Variants in RSRC1 observed in about 807,000 individuals in gnomAD.
RSRC1 encodes arginine and serine rich coiled-coil 1.
In RSRC1, 39 loss-of-function variants were observed where a neutral mutation model predicts 49.1. That is an observed-to-expected ratio of 0.79 (90% CI 0.61 to 1.04). RSRC1 has a LOEUF of 1.04. Among genes scored for constraint, RSRC1 ranks in the 50% least tolerant of loss-of-function variants. The probability of loss-of-function intolerance (pLI) is 0.00; values close to 1 mark genes in which losing one functional copy is unlikely to be tolerated. For missense variants in RSRC1, 388 were observed against 402.4 expected (o/e 0.96, Z 0.31); for synonymous variants, 143 against 130.8 (o/e 1.09, Z -0.63).
In RSRC1 at chr3:158,198,739, C is replaced by T. The variant is rs149187198; in HGVS notation, c.321-4333C>T. ...CCTCAGTTGGAAATGCAGAAATCACCCATCTTCTGCGTCACTCATGCTGGG... is the reference window on the plus strand; with the variant it reads ...CCTCAGTTGGAAATGCAGAAATCACTCATCTTCTGCGTCACTCATGCTGGG... On this transcript the variant is annotated intron_variant, in intron 3 of 9. Transcript: ENST00000611884. Among the ~76,000 whole-genome samples the T allele has an allele frequency of 3.4e-3, 517 of 152,206 alleles. 2 individuals carry two copies. The highest frequency in any genetic ancestry group is 5.6e-3 in the Non-Finnish European group (381 of 68,004).
At chr3:158,284,023 T>C (rs958936484) in intron 4 of RSRC1, among the ~76,000 whole-genome samples, 7 of 151,782 alleles carry the variant, frequency 4.6e-5, no homozygotes, top group Non-Finnish European at 8.8e-5. Flanking sequence ...GTATATCTCC[T>C]AATGCTATCC....
chr3:158,424,247 C>T (rs1326629075), intron 6 of RSRC1, among the ~76,000 whole-genome samples: 7 of 151,720 alleles, frequency 4.6e-5, no homozygotes, highest in East Asian at 1.9e-4. Context: ...TTTTGAGATA[C>T]GTCCCATCAA....
At chr3:158,180,535 C>T (rs1186222056) in intron 3 of RSRC1, among the ~76,000 whole-genome samples, 1 of 149,682 alleles carries the variant, frequency 6.7e-6, no homozygotes, top group Non-Finnish European at 1.5e-5. Flanking sequence ...AATCATGGCT[C>T]ACTGTAGCCT....
At chr3:158,424,104 A>G (rs947956068) in intron 6 of RSRC1, among the ~76,000 whole-genome samples, 8 of 152,020 alleles carry the variant, frequency 5.3e-5, no homozygotes, top group African/African-American at 1.9e-4. Context: ...AACTTCCAAC[A>G]CTATGTTGAA....
chr3:158,211,740 A>G (rs1004682774), intron 4 of RSRC1, among the ~76,000 whole-genome samples: 1 of 151,950 alleles, frequency 6.6e-6, no homozygotes, highest in Admixed American at 6.6e-5. Context: ...GATGGAGATA[A>G]TGGTAATAGA....
At chr3:158,284,253 T>G (rs1166139148) in intron 4 of RSRC1, among the ~76,000 whole-genome samples, 1 of 151,936 alleles carries the variant, frequency 6.6e-6, no homozygotes, top group African/African-American at 2.4e-5. Flanking sequence ...TAGTATTCCA[T>G]GGTGTATATG....
At chr3:158,320,404 A>G (rs1728694879) in intron 5 of RSRC1, among the ~76,000 whole-genome samples, 1 of 152,186 alleles carries the variant, frequency 6.6e-6, no homozygotes, top group Admixed American at 6.5e-5. Context: ...TGTGTTTGTT[A>G]TATGTAATTT....
intron 1 of RSRC1, among the ~76,000 whole-genome samples, chr3:158,116,563 T>G (rs1714835694): frequency 6.6e-6 from 1 of 152,066 alleles, no homozygotes; most frequent in African/African-American, 2.4e-5. Context: ...TGTATGGCAG[T>G]GAGGGATACA....
intron 5 of RSRC1, among the ~76,000 whole-genome samples, chr3:158,341,814 C>T (rs538873176): frequency 9.2e-5 from 14 of 152,206 alleles, no homozygotes; most frequent in East Asian, 3.9e-4. Context: ...TGAAAGCAGC[C>T]GGGAGGGAGG....
intron 6 of RSRC1, among the ~76,000 whole-genome samples, chr3:158,438,033 CAGAG>C (rs1408885849): frequency 1.3e-5 from 2 of 152,224 alleles, no homozygotes; most frequent in East Asian, 1.9e-4. Context: ...AACAGACAAA[CAGAG>C]AGCCAAATCA....
At chr3:158,379,836 A>ACACACACACACACCCT (rs1027981758) in intron 6 of RSRC1, among the ~76,000 whole-genome samples, 3 of 143,862 alleles carry the variant, frequency 2.1e-5, no homozygotes, top group Non-Finnish European at 4.6e-5. Context: ...ACACACACAC[A>ACACACACACACACCCT]CCCTCCCTCC....
At chr3:158,276,437 G>T in intron 4 of RSRC1, 1 of 705,700 alleles carries the variant, frequency 1.4e-6, no homozygotes, top group South Asian at 1.6e-5. Flanking sequence ...CTTACTTGAT[G>T]GCTGCCGCCA....
intron 7 of RSRC1, among the ~76,000 whole-genome samples, chr3:158,503,018 C>T: frequency 6.6e-6 from 1 of 152,126 alleles, no homozygotes; most frequent in Non-Finnish European, 1.5e-5. Context: ...AAAACCAGCT[C>T]TGTCAGAGGG....
intron 4 of RSRC1, among the ~76,000 whole-genome samples, chr3:158,241,915 A>G (rs1273407458): frequency 1.3e-5 from 2 of 152,052 alleles, no homozygotes; most frequent in African/African-American, 4.8e-5. Flanking sequence ...ACCCATTTAA[A>G]ATATACAATT....
At chr3:158,398,317 T>A (rs1231324286) in intron 6 of RSRC1, among the ~76,000 whole-genome samples, 1 of 152,072 alleles carries the variant, frequency 6.6e-6, no homozygotes, top group African/African-American at 2.4e-5. Context: ...GTAGGTTCAG[T>A]ATCTGGTGAG....
chr3:158,434,097 A>G (rs927084117), intron 6 of RSRC1, among the ~76,000 whole-genome samples: 16 of 152,106 alleles, frequency 1.1e-4, no homozygotes, highest in Middle Eastern at 3.4e-3. Flanking sequence ...GATCACTGCT[A>G]TGCTAAAACT....
At chr3:158,271,392 T>C (rs760147771) in intron 4 of RSRC1, among the ~76,000 whole-genome samples, 9 of 152,136 alleles carry the variant, frequency 5.9e-5, no homozygotes, top group East Asian at 1.9e-4. Flanking sequence ...ATGGTTCTTA[T>C]AAATTTACAC....
In RSRC1 at chr3:158,422,266, C is replaced by G. The variant is rs532077160; in HGVS notation, c.584-38669C>G. Among the ~76,000 whole-genome samples, 7 of 140,070 alleles carry G rather than the reference C, an allele frequency of 5.0e-5. No homozygotes were observed. In the South Asian group the frequency reaches 9.5e-4, roughly 19 times the overall value. 91.9% of individuals were successfully genotyped at this position (140,070 alleles called of 152,430 possible). On this transcript the variant is annotated intron_variant, in intron 6 of 9. Coordinates refer to ENST00000611884, the MANE Select transcript of RSRC1 (RefSeq NM_001271838.2). ...ACAGTCACCAGAGTGTGATGTTCCC[C>G]TTCCTGTGTCCATGTGTTCTCATTG...
At chr3:158,125,412 T>C (rs972538260) in intron 3 of RSRC1, among the ~76,000 whole-genome samples, 1 of 152,152 alleles carries the variant, frequency 6.6e-6, no homozygotes, top group Non-Finnish European at 1.5e-5. Context: ...TTTTACTATG[T>C]GTGTTTGTGT....
Sources: gnomAD v4.1 joint callset for allele counts (sites outside exome capture counted in the v4.1 genomes callset) on GRCh38, gnomAD v4.1.1 for gene constraint, MANE v1.5 for transcripts, NCBI Gene and HGNC (gene_info 2026-07-23, HGNC 2026-07-21) for gene names.